The following NAA11 variants were observed in gnomAD, a reference collection of about 807,000 sequenced individuals.
The protein encoded by NAA11 is N-alpha-acetyltransferase 11.
NAA11 carries 15 observed loss-of-function variants against 16.1 expected under a neutral mutation model. The observed-to-expected ratio is 0.93, with a 90% CI of 0.62 to 1.44. NAA11 has a LOEUF of 1.44. Among genes scored for constraint, NAA11 ranks in the 40% most tolerant of loss-of-function variants. The probability of loss-of-function intolerance (pLI) is 0.00; values close to 1 mark genes in which losing one functional copy is unlikely to be tolerated. For synonymous variants in NAA11, 122 were observed against 112.4 expected, an observed-to-expected ratio of 1.09 and a Z score of -0.54; for missense variants, 298 against 291.3, an observed-to-expected ratio of 1.02 and a Z score of -0.17.
At chr4:79,275,047 G>C (rs1280283605) in intron 2 of NAA11, among the ~76,000 whole-genome samples, 1 of 152,036 alleles carries the variant, frequency 6.6e-6, no homozygotes, top group African/African-American at 2.4e-5. Flanking sequence ...CTATGAGTCT[G>C]TATGTAGTTC....
At chr4:79,171,300 A>G in the NAA11 span, among the ~76,000 whole-genome samples, 1 of 152,170 alleles carries the variant, frequency 6.6e-6, no homozygotes, top group Non-Finnish European at 1.5e-5. Flanking sequence ...GGCTCTTGAT[A>G]AAATGATGAG....
chr4:79,241,707 A>T (rs909670948), intron 2 of NAA11, among the ~76,000 whole-genome samples: 11 of 152,220 alleles, frequency 7.2e-5, no homozygotes, highest in African/African-American at 2.4e-4. Flanking sequence ...GACTGCTGGG[A>T]CTATGTCTCT....
At chr4:79,314,667 C>T (rs1359440587), downstream of NAA11, among the ~76,000 whole-genome samples, 8 of 95,808 alleles carry the variant, frequency 8.4e-5, no homozygotes, top group African/African-American at 3.8e-4. Context: ...AAAAAAAAGA[C>T]TCAGTAGTCT....
chr4:79,286,684 T>G (rs1173093436), intron 2 of NAA11, among the ~76,000 whole-genome samples: 1 of 152,094 alleles, frequency 6.6e-6, no homozygotes, highest in East Asian at 1.9e-4. Context: ...GGATTTGTAC[T>G]ATAAAGAATA....
chr4:79,179,657 C>T, the NAA11 span, among the ~76,000 whole-genome samples: 5 of 151,980 alleles, frequency 3.3e-5, no homozygotes, highest in Non-Finnish European at 5.9e-5. Context: ...TAATGCTTCC[C>T]AAGGAAGTAT....
At chr4:79,210,799 G>C in the NAA11 span, among the ~76,000 whole-genome samples, 1 of 152,148 alleles carries the variant, frequency 6.6e-6, no homozygotes, top group Non-Finnish European at 1.5e-5. Flanking sequence ...AGGCTCTGGA[G>C]GCAGATATAC....
chr4:79,160,199 C>G, the NAA11 span, among the ~76,000 whole-genome samples: 139 of 152,190 alleles, frequency 9.1e-4, no homozygotes, highest in Non-Finnish European at 1.4e-3. Context: ...ACCACATTGG[C>G]CAGGCTGGTC....
At chr4:79,178,681 A>G in the NAA11 span, among the ~76,000 whole-genome samples, 1 of 152,188 alleles carries the variant, frequency 6.6e-6, no homozygotes, top group African/African-American at 2.4e-5. Context: ...ACATACATGC[A>G]CAAATGTACA....
chr4:79,158,698 G>GATATATATATATATATAT, the NAA11 span, among the ~76,000 whole-genome samples: 83 of 112,108 alleles, frequency 7.4e-4, 2 homozygotes, highest in African/African-American at 1.3e-3. Flanking sequence ...CACATTACCT[G>GATATATATATATATATAT]ATATATATAT....
chr4:79,192,463 G>A, the NAA11 span, among the ~76,000 whole-genome samples: 1 of 143,596 alleles, frequency 7.0e-6, no homozygotes, highest in Non-Finnish European at 1.5e-5. Context: ...CCACCTATGA[G>A]TGAGAACATG....
At chr4:79,320,616 G>C (rs1724062566) in intron 1 of NAA11, among the ~76,000 whole-genome samples, 1 of 152,122 alleles carries the variant, frequency 6.6e-6, no homozygotes, top group Non-Finnish European at 1.5e-5. Flanking sequence ...ATCATTAACA[G>C]TGCTTAGAAT....
At chr4:79,247,055 G>C (rs1721855573) in intron 2 of NAA11, among the ~76,000 whole-genome samples, 3 of 152,328 alleles carry the variant, frequency 2.0e-5, no homozygotes, top group African/African-American at 7.2e-5. Context: ...GTCAATGGTA[G>C]TGGTGCAGAA....
intron 2 of NAA11, among the ~76,000 whole-genome samples, chr4:79,260,124 G>T (rs1019710103): frequency 2.0e-5 from 3 of 152,096 alleles, no homozygotes; most frequent in Non-Finnish European, 4.4e-5. Flanking sequence ...TCTTTGTTTG[G>T]TATTTGGGGG....
At chr4:79,202,623 T>TTATAGATATATATATATATATATATA in the NAA11 span, among the ~76,000 whole-genome samples, 4 of 52,620 alleles carry the variant, frequency 7.6e-5, no homozygotes, top group African/African-American at 1.8e-4. Flanking sequence ...ATATATAGTT[T>TTATAGATATATATATATATATATATA]TATATATATA....
chr4:79,278,706 GT>G (rs1229989880), intron 2 of NAA11, among the ~76,000 whole-genome samples: 1 of 151,968 alleles, frequency 6.6e-6, no homozygotes, highest in Non-Finnish European at 1.5e-5. Flanking sequence ...CTTGTTTTTA[GT>G]TTATCTGTTT....
the NAA11 span, among the ~76,000 whole-genome samples, chr4:79,213,321 A>G: frequency 7.2e-5 from 11 of 152,156 alleles, no homozygotes; most frequent in Non-Finnish European, 1.5e-5. Flanking sequence ...TAAGCAGTAA[A>G]AGTGATCAGT....
intron 2 of NAA11, among the ~76,000 whole-genome samples, chr4:79,274,321 A>C (rs956016006): frequency 5.3e-5 from 8 of 152,054 alleles, no homozygotes; most frequent in African/African-American, 1.7e-4. Context: ...GTGAAGAACA[A>C]GAGGTGAAGT....
intron 2 of NAA11, among the ~76,000 whole-genome samples, chr4:79,241,565 C>T (rs1280554445): frequency 6.6e-6 from 1 of 152,124 alleles, no homozygotes; most frequent in African/African-American, 2.4e-5. Flanking sequence ...TTTTTGCTTT[C>T]TTCTTTCCAT....
chr4:79,242,937 T>G (rs1469564584), intron 2 of NAA11, among the ~76,000 whole-genome samples: 1 of 152,216 alleles, frequency 6.6e-6, no homozygotes, highest in South Asian at 2.1e-4. Flanking sequence ...TCATTAGAGA[T>G]AAGAATTAGG....
Sources: gnomAD v4.1 joint callset for allele counts (sites outside exome capture counted in the v4.1 genomes callset) on GRCh38, gnomAD v4.1.1 for gene constraint, MANE v1.5 for transcripts, NCBI Gene and HGNC (gene_info 2026-07-23, HGNC 2026-07-21) for gene names.